The following SND1 variants were observed in gnomAD, a reference collection of about 807,000 sequenced individuals.
The protein encoded by SND1 is staphylococcal nuclease and tudor domain containing 1, also known as staphylococcal nuclease domain-containing protein 1.
In SND1, 38 loss-of-function variants were observed where a neutral mutation model predicts 121.7. That is an observed-to-expected ratio of 0.31 (90% CI 0.24 to 0.41). SND1 has a LOEUF of 0.41. SND1 is among the 10% of genes least tolerant of loss of function. SND1 has a pLI of 1.00. For synonymous variants in SND1, 401 were observed against 447.4 expected (o/e 0.90, Z 1.31); for missense variants, 868 against 1,184.6 (o/e 0.73, Z 3.92).
Position 128,029,915 on chromosome 7 carries a change from G to C in SND1, c.1779+38859G>C, listed in dbSNP as rs763838629. On this transcript the variant is annotated intron_variant, in intron 16 of 23. Transcript: ENST00000354725. This position sits in a 1 kb window ranked among gnomAD's most constrained non-coding sequence, Gnocchi z 4.2. ...TCATGACCCAGAGCTTCTTGAGGGA[G>C]CTCAGGCCATGGAAGGAGCCAGGCC... The C allele has an allele frequency of 2.5e-6, 4 of 1,613,256 alleles. No homozygotes were observed. In the South Asian group the frequency reaches 3.3e-5, roughly 13 times the overall value.
intron 12 of SND1, among the ~76,000 whole-genome samples, chr7:127,852,844 C>T (rs1448860600): frequency 6.6e-6 from 1 of 152,044 alleles, no homozygotes; most frequent in African/African-American, 2.4e-5. Context: ...ATAACACCCT[C>T]TTCTGTTGTC....
intron 13 of SND1, among the ~76,000 whole-genome samples, chr7:127,902,468 T>C (rs1285297286): frequency 6.6e-6 from 1 of 152,166 alleles, no homozygotes; most frequent in Non-Finnish European, 1.5e-5. Context: ...GGAGAGCCTG[T>C]TGGTGGCAGA....
At chr7:127,698,039 C>G (rs1481342938) in intron 3 of SND1, among the ~76,000 whole-genome samples, 1 of 152,166 alleles carries the variant, frequency 6.6e-6, no homozygotes, top group Non-Finnish European at 1.5e-5. Context: ...TTTCAATAGC[C>G]TCGAACTACA....
chr7:127,908,359 T>TGCGTGC (rs1800389499), intron 14 of SND1, among the ~76,000 whole-genome samples: 1 of 144,842 alleles, frequency 6.9e-6, no homozygotes, highest in Non-Finnish European at 1.5e-5. Context: ...TGTGTGTGTG[T>TGCGTGC]GCGTGCGTGT....
At chr7:128,035,905 C>T (rs1792741396) in intron 16 of SND1, among the ~76,000 whole-genome samples, 1 of 152,152 alleles carries the variant, frequency 6.6e-6, no homozygotes, top group Non-Finnish European at 1.5e-5. Context: ...GAGGCATTAT[C>T]CTGAGCAGCC....
At chr7:127,796,165 A>C (rs1191054036) in intron 10 of SND1, among the ~76,000 whole-genome samples, 1 of 152,028 alleles carries the variant, frequency 6.6e-6, no homozygotes, top group Non-Finnish European at 1.5e-5. Context: ...CTTATCTAGT[A>C]TAGTATAAAA....
intron 10 of SND1, among the ~76,000 whole-genome samples, chr7:127,788,704 C>T (rs1797857578): frequency 6.6e-6 from 1 of 152,162 alleles, no homozygotes; most frequent in Non-Finnish European, 1.5e-5. Context: ...GTCATATCTT[C>T]CTTCTTCAAA....
At chr7:128,018,175 C>T (rs888210706) in intron 16 of SND1, among the ~76,000 whole-genome samples, 2 of 152,230 alleles carry the variant, frequency 1.3e-5, no homozygotes, top group Non-Finnish European at 2.9e-5. Context: ...AAAAGAAGCA[C>T]TTGAGGAGAA....
chr7:127,887,831 C>T, intron 12 of SND1, 71 bp from the exon 13 acceptor site: 1 of 995,388 alleles, frequency 1.0e-6, no homozygotes, highest in South Asian at 1.3e-5. Context: ...CAGGTGCTAA[C>T]TGTTATTATT....
At chr7:127,985,197 C>G (rs3757762) in intron 15 of SND1, among the ~76,000 whole-genome samples, 1 of 152,096 alleles carries the variant, frequency 6.6e-6, no homozygotes, top group Non-Finnish European at 1.5e-5. Context: ...CATAGCTGCC[C>G]GAGGCTGTCT....
At chr7:127,972,005 G>A (rs1204656519) in intron 15 of SND1, among the ~76,000 whole-genome samples, 1 of 151,924 alleles carries the variant, frequency 6.6e-6, no homozygotes, top group Non-Finnish European at 1.5e-5. Flanking sequence ...GAACTCCTGA[G>A]CTCAGACAGT....
At chr7:127,745,720 TA>T (rs1796970059) in intron 10 of SND1, among the ~76,000 whole-genome samples, 2 of 152,182 alleles carry the variant, frequency 1.3e-5, no homozygotes, top group African/African-American at 4.8e-5. Context: ...CAAAGTTACT[TA>T]AAAGTGATTT....
At chr7:127,697,946 T>C (rs1309118887) in intron 3 of SND1, among the ~76,000 whole-genome samples, 1 of 152,198 alleles carries the variant, frequency 6.6e-6, no homozygotes, top group African/African-American at 2.4e-5. Context: ...GATTTTTATG[T>C]GATTATTCCC....
chr7:127,694,637 C>T, intron 2 of SND1, 191 bp from the exon 3 acceptor site: 1 of 580,538 alleles, frequency 1.7e-6, no homozygotes, highest in East Asian at 3.0e-5. Context: ...GCTGGACCCT[C>T]CTTTTTTTAT....
intron 11 of SND1, among the ~76,000 whole-genome samples, chr7:127,812,407 A>G (rs1172116282): frequency 6.6e-6 from 1 of 152,240 alleles, no homozygotes; most frequent in Non-Finnish European, 1.5e-5. Context: ...GTCGTTCTTC[A>G]GAGAAAGCAG....
At chr7:128,050,947 C>T (rs1038518079) in intron 16 of SND1, among the ~76,000 whole-genome samples, 1 of 152,194 alleles carries the variant, frequency 6.6e-6, no homozygotes, top group Non-Finnish European at 1.5e-5. Flanking sequence ...CCATTTTGAC[C>T]GTAGACTCCA....
intron 16 of SND1, among the ~76,000 whole-genome samples, chr7:128,024,140 C>G (rs1400510827): frequency 6.6e-6 from 1 of 151,734 alleles, no homozygotes; most frequent in Non-Finnish European, 1.5e-5. Flanking sequence ...TAATTTACTT[C>G]ATTTTAATTT....
chr7:127,743,302 C>T (rs1015864213), intron 10 of SND1, among the ~76,000 whole-genome samples: 6 of 152,180 alleles, frequency 3.9e-5, no homozygotes, highest in African/African-American at 1.4e-4. Flanking sequence ...CTGTGGGAAC[C>T]TCGGTGTGCA....
intron 15 of SND1, among the ~76,000 whole-genome samples, chr7:127,947,569 C>A (rs566781009): frequency 1.1e-3 from 1 of 882 alleles, no homozygotes; most frequent in South Asian, 0.056. Context: ...TGAGAGGGCC[C>A]TCAAGGTGGC....
Sources: allele counts gnomAD v4.1 joint callset (sites outside exome capture counted in the v4.1 genomes callset), GRCh38; gene constraint gnomAD v4.1.1; non-coding constraint Gnocchi (gnomAD v3.1); transcripts MANE v1.5; gene names NCBI Gene and HGNC (gene_info 2026-07-23, HGNC 2026-07-21).